Variants in CDK5RAP2 observed in about 807,000 individuals in gnomAD.
CDK5RAP2 encodes CDK5 regulatory subunit-associated protein 2.
In CDK5RAP2, 147 loss-of-function variants were observed where a neutral mutation model predicts 232.9. That is an observed-to-expected ratio of 0.63 (90% CI 0.55 to 0.72). The LOEUF is 0.72. Ranked by LOEUF, CDK5RAP2 falls within the 30% of genes least tolerant of loss-of-function variation. CDK5RAP2 has a pLI of 0.00. For synonymous variants in CDK5RAP2, 833 were observed against 833.7 expected, an observed-to-expected ratio of 1.00 and a Z score of 0.01; for missense variants, 2,195 against 2,231.5, an observed-to-expected ratio of 0.98 and a Z score of 0.33.
Position 120,537,955 on chromosome 9 carries a change from G to T in CDK5RAP2, c.507+1086C>A, listed in dbSNP as rs1456038453. On this transcript the variant is annotated intron_variant, in intron 6 of 37. Transcript: ENST00000349780. ...ATCCTAGGTGATAAAGCTAGTAAGT[G>T]ACAGAGCAGAGACCTGTCACTCCAA... is the stretch of plus-strand genomic sequence containing the variant. 2.0e-5 allele frequency among the ~76,000 whole-genome samples: 3 copies of T among 152,182 alleles called. No homozygotes were observed. The East Asian group carries it at 5.8e-4, about 29-fold the overall frequency.
chr9:120,458,707 G>T, intron 19 of CDK5RAP2, 85 bp from the exon 20 acceptor site: 2 of 1,253,638 alleles, frequency 1.6e-6, no homozygotes, highest in Non-Finnish European at 2.3e-6. Context: ...TGCAGGGTAA[G>T]TGAGTAAGTG....
chr9:120,471,753 C>G lies in CDK5RAP2; in HGVS notation c.1853G>C (p.Arg618Pro). The part of the protein sequence containing the change: ...LEEQISEIRR[R>P]EEESFSLYSD... ...ACATAGAATAAAGTGTGTACCTTCC[C>G]GCCTCCGAATTTCGCTGATCTGCTC... The change falls in exon 16 of 38, where the codon CGG (arginine) becomes CCG (proline). Residue 618 changes from arginine to proline, a missense_variant. Arg to Pro is a moderately radical substitution (Grantham distance 103). Coordinates refer to ENST00000349780, the MANE Select transcript of CDK5RAP2 (RefSeq NM_018249.6). The G allele has an allele frequency of 6.2e-7, 1 of 1,614,112 alleles. No homozygotes were observed. Among genetic ancestry groups the G allele is most frequent in the Non-Finnish European group, 8.5e-7 (1 of 1,179,976 alleles).
rs756634521 is a variant in CDK5RAP2 at position 120,408,483 on chromosome 9, C to A, written c.4605-15G>T. 3.7e-6 allele frequency: 6 copies of A among 1,613,950 alleles called. No individual in the cohort carries two copies. The highest frequency in any genetic ancestry group is 1.7e-5 in the Admixed American group (1 of 60,016). The stretch of plus-strand genomic sequence containing the variant: ...CCTCCTGCACCCTGAGAAGGCCCCA[C>A]AGGCATGAGAAGGACAGGTTAATTC... On this transcript the variant is annotated splice_polypyrimidine_tract_variant and intron_variant, in intron 30 of 37. Coordinates refer to ENST00000349780, the MANE Select transcript of CDK5RAP2 (RefSeq NM_018249.6).
In CDK5RAP2 at chr9:120,407,075, C is replaced by T; in HGVS notation, c.4900G>A (p.Ala1634Thr). 1 of 1,614,136 alleles carries T rather than the reference C, an allele frequency of 6.2e-7. No individual in the cohort carries two copies. The highest frequency in any genetic ancestry group is 8.5e-7 in the Non-Finnish European group (1 of 1,180,040). The change falls in exon 32 of 38, where the codon GCC becomes ACC. Residue 1634 changes from alanine to threonine, a missense_variant. Physicochemically the swap from Ala to Thr is moderately conservative, Grantham distance 58 (BLOSUM62 0). Transcript: ENST00000349780. ...ACGGCTTGGACAGCCAGAGTGAGGG[C>T]TCCTTCCTGTGCCTTCTCTGCCCCC... The part of the protein sequence containing the change: ...ARGAEKAQEG[A>T]LTLAVQAVSI...
intron 13 of CDK5RAP2, among the ~76,000 whole-genome samples, chr9:120,487,697 C>T (rs2038687151): frequency 2.6e-5 from 4 of 152,202 alleles, no homozygotes; most frequent in Admixed American, 2.6e-4. Flanking sequence ...ACCGTCCTCG[C>T]TCACCACCAC....
At chr9:120,427,073 T>C (rs1199664175) in intron 25 of CDK5RAP2, among the ~76,000 whole-genome samples, 2 of 152,200 alleles carry the variant, frequency 1.3e-5, no homozygotes, top group Non-Finnish European at 2.9e-5. Context: ...TTTTGGTTGA[T>C]GTATCTTCCT....
At chr9:120,507,914 A>T (rs2039888257) in intron 12 of CDK5RAP2, among the ~76,000 whole-genome samples, 1 of 49,920 alleles carries the variant, frequency 2.0e-5, no homozygotes, top group Non-Finnish European at 3.2e-5. Context: ...GCTGATTAAA[A>T]AAAAAAAAAA....
At chr9:120,485,293 CTTTTTT>C (rs111411839) in intron 14 of CDK5RAP2, among the ~76,000 whole-genome samples, 1 of 132,348 alleles carries the variant, frequency 7.6e-6, no homozygotes. Context: ...CATTTAGATA[CTTTTTT>C]TTTTTTTTTT....
At chr9:120,406,954 T>TCA in intron 32 of CDK5RAP2, 58 bp downstream of exon 32, 1 of 1,276,144 alleles carries the variant, frequency 7.8e-7, no homozygotes, top group Non-Finnish European at 1.1e-6. Flanking sequence ...AGTTCACATG[T>TCA]CACACACAGA....
At chr9:120,558,351 G>A (rs146595415) in intron 3 of CDK5RAP2, among the ~76,000 whole-genome samples, 16,635 of 103,516 alleles carry the variant, frequency 0.16, 1,455 homozygotes, top group Middle Eastern at 0.3. Flanking sequence ...CCAGCCTGGC[G>A]ACAGAGTGAG....
In CDK5RAP2 at chr9:120,550,859, C is replaced by A. The variant is rs144729934; in HGVS notation, c.239G>T (p.Arg80Leu). 6.2e-7 allele frequency: 1 copy of A among 1,613,256 alleles called. No individual in the cohort carries two copies. The highest frequency in any genetic ancestry group is 2.2e-5 in the East Asian group (1 of 44,840). Residue 80 changes from arginine to leucine, a missense_variant, in exon 4 of 38, where the codon CGC becomes CTC. Transcript: ENST00000349780. ...LKKENFNLKL[R>L]IYFLEERMQQ... ...CATTCTTTCCTCAAGGAAATAGATGCGGAGCTTTAGGTTAAAGTTTTCTTT... is the reference window on the plus strand; with the variant it reads ...CATTCTTTCCTCAAGGAAATAGATGAGGAGCTTTAGGTTAAAGTTTTCTTT...
rs35909061 is a variant in CDK5RAP2 at position 120,408,408 on chromosome 9, C to T, written c.4665G>A (p.Gln1555=). 1 of 1,614,180 alleles carries T rather than the reference C, an allele frequency of 6.2e-7. No homozygotes were observed. The highest frequency in any genetic ancestry group is 8.5e-7 in the Non-Finnish European group (1 of 1,180,012). Residue 1555 remains glutamine, a synonymous_variant, in exon 31 of 38, where the codon CAG becomes CAA. Coordinates refer to ENST00000349780, the MANE Select transcript of CDK5RAP2 (RefSeq NM_018249.6). ...ACGCCTTCAGCTCCACTCGGAGAGA[C>T]TGCAATAGCTTGTCATTCTGTGAGA... ...QLLSQNDKLL[Q]SLRVELKAYE... is the part of the protein sequence containing the mutation.
At chr9:120,437,214 A>G in intron 25 of CDK5RAP2, 81 bp downstream of exon 25, 1 of 954,488 alleles carries the variant, frequency 1.0e-6, no homozygotes, top group African/African-American at 1.6e-5. Context: ...AAGGCCAAGG[A>G]GTTAGCTCCT....
chr9:120,408,606 C>T (rs2033643272), intron 30 of CDK5RAP2, 138 bp from the exon 31 acceptor site: 1 of 929,276 alleles, frequency 1.1e-6, no homozygotes, highest in Non-Finnish European at 1.7e-6. Flanking sequence ...GTTAAGAATT[C>T]CATGTGCTCT....
intron 25 of CDK5RAP2, among the ~76,000 whole-genome samples, chr9:120,437,072 G>C (rs1031374736): frequency 5.3e-5 from 8 of 152,160 alleles, no homozygotes; most frequent in Admixed American, 5.2e-4. Context: ...CCCGGCCCCT[G>C]AGGCGTCTAA....
intron 12 of CDK5RAP2, among the ~76,000 whole-genome samples, chr9:120,496,972 G>A (rs536229870): frequency 8.6e-5 from 12 of 138,940 alleles, no homozygotes; most frequent in South Asian, 2.2e-4. Context: ...ATGGAAAGGC[G>A]GGAAAGGTGG....
chr9:120,408,067 T>C (rs1052059801), intron 31 of CDK5RAP2: 1 of 466,358 alleles, frequency 2.1e-6, no homozygotes, highest in Non-Finnish European at 4.0e-6. Flanking sequence ...AGGTATGGGC[T>C]CAAAGGGTGA....
rs137928067 is a variant in CDK5RAP2, at chr9:120,403,439, C to A, written c.5042-368G>T. ...ACAGCAGAGTGATGAAGGGCCAGAGCCAGAAAAAACAATTATCTGTGCAGG... is the reference window on the plus strand; with the variant it reads ...ACAGCAGAGTGATGAAGGGCCAGAGACAGAAAAAACAATTATCTGTGCAGG... On this transcript the variant is annotated intron_variant, in intron 33 of 37. Transcript: ENST00000349780. The surrounding 1 kb of genome is among the most constrained non-coding windows in gnomAD (Gnocchi z 4.2). 111 of 312,718 alleles carry A rather than the reference C, an allele frequency of 3.5e-4. No individual in the cohort carries two copies. The highest frequency in any genetic ancestry group is 2.3e-3 in the African/African-American group (109 of 46,776). The allele number at this position is 312,718 out of a possible 1,614,324, so 19.4% of individuals were successfully genotyped here. A position where few individuals can be genotyped will look rare whatever the true frequency, so the allele number is the denominator to read the frequency against.
intron 25 of CDK5RAP2, among the ~76,000 whole-genome samples, chr9:120,427,606 G>A (rs996425780): frequency 6.6e-6 from 1 of 152,172 alleles, no homozygotes; most frequent in African/African-American, 2.4e-5. Context: ...GGGGTGGGAG[G>A]GGGTGGAAAG....
Sources: gnomAD v4.1 joint callset for allele counts (sites outside exome capture counted in the v4.1 genomes callset) on GRCh38, gnomAD v4.1.1 for gene constraint, Gnocchi (gnomAD v3.1) non-coding constraint, MANE v1.5 for transcripts, NCBI Gene and HGNC (gene_info 2026-07-23, HGNC 2026-07-21) for gene names.